MAGI2: variants seen among roughly 807,000 people sequenced by gnomAD.
The protein encoded by MAGI2 is membrane-associated guanylate kinase, WW and PDZ domain-containing protein 2.
In MAGI2, 35 loss-of-function variants were observed where a neutral mutation model predicts 133.3. The ratio of observed to expected loss-of-function variants is 0.26; its 90% CI spans 0.20 to 0.35. The LOEUF (loss-of-function observed/expected upper bound fraction) is 0.35. Among genes scored for constraint, MAGI2 ranks in the 10% least tolerant of loss-of-function variants. The pLI is 1.00. For synonymous variants in MAGI2, 729 were observed against 710.6 expected (o/e 1.03, Z -0.41); for missense variants, 1,636 against 1,863.4 (o/e 0.88, Z 2.25).
At chr7:78,208,901 G>A (rs1787408851) in intron 10 of MAGI2, among the ~76,000 whole-genome samples, 1 of 151,822 alleles carries the variant, frequency 6.6e-6, no homozygotes, top group South Asian at 2.1e-4. Context: ...CTTATTTTGG[G>A]AAATTTCACC....
At chr7:78,263,981 C>A (rs1049118609) in intron 9 of MAGI2, among the ~76,000 whole-genome samples, 2 of 152,076 alleles carry the variant, frequency 1.3e-5, no homozygotes, top group Non-Finnish European at 2.9e-5. Flanking sequence ...ACAAGCTGCT[C>A]GTTACCCTTT....
intron 1 of MAGI2, among the ~76,000 whole-genome samples, chr7:79,234,360 A>T (rs1057145641): frequency 6.6e-5 from 10 of 151,724 alleles, no homozygotes; most frequent in African/African-American, 2.4e-4. Flanking sequence ...AGATTGGGGA[A>T]GTTCTCCTGG....
At chr7:78,275,352 G>A (rs748733218) in intron 9 of MAGI2, among the ~76,000 whole-genome samples, 10 of 152,310 alleles carry the variant, frequency 6.6e-5, no homozygotes, top group South Asian at 2.1e-4. Context: ...CCTCGATCTC[G>A]CTGGGAGCTG....
chr7:79,234,398 T>A (rs1367850675), intron 1 of MAGI2, among the ~76,000 whole-genome samples: 1 of 152,038 alleles, frequency 6.6e-6, no homozygotes, highest in African/African-American at 2.4e-5. Flanking sequence ...GTTTTCCAAC[T>A]TGGTTCCATT....
chr7:79,308,545 CA>C (rs1838004317), intron 1 of MAGI2, among the ~76,000 whole-genome samples: 1 of 152,116 alleles, frequency 6.6e-6, no homozygotes, highest in Non-Finnish European at 1.5e-5. Flanking sequence ...CTTCAACTGG[CA>C]GAAAGGTATT....
At chr7:78,281,687 A>G (rs1406360983) in intron 9 of MAGI2, among the ~76,000 whole-genome samples, 2 of 140,000 alleles carry the variant, frequency 1.4e-5, no homozygotes, top group African/African-American at 5.1e-5. Context: ...GCATAGTGAT[A>G]TTAATTCATT....
intron 16 of MAGI2, among the ~76,000 whole-genome samples, chr7:78,142,803 G>A (rs1179517580): frequency 6.6e-6 from 1 of 152,150 alleles, no homozygotes; most frequent in Non-Finnish European, 1.5e-5. Context: ...GGTGTGTGGG[G>A]TCTGGGAGCT....
At chr7:78,211,432 G>T (rs1274672630) in intron 10 of MAGI2, among the ~76,000 whole-genome samples, 1 of 152,254 alleles carries the variant, frequency 6.6e-6, no homozygotes, top group African/African-American at 2.4e-5. Context: ...TCTAGTCCCA[G>T]CTCCACCTCT....
intron 1 of MAGI2, among the ~76,000 whole-genome samples, chr7:79,191,413 T>C (rs1187217983): frequency 2.8e-4 from 29 of 104,718 alleles, no homozygotes; most frequent in South Asian, 1.8e-3. Flanking sequence ...TTTTTTTTTT[T>C]TTTTTTTTTT....
chr7:78,731,205 G>A (rs1444082248), intron 2 of MAGI2, among the ~76,000 whole-genome samples: 1 of 152,070 alleles, frequency 6.6e-6, no homozygotes, highest in Non-Finnish European at 1.5e-5. Context: ...TATTTATAGA[G>A]AATGAATAAT....
At chr7:78,287,980 C>A (rs1796318339) in intron 9 of MAGI2, among the ~76,000 whole-genome samples, 2 of 152,094 alleles carry the variant, frequency 1.3e-5, no homozygotes, top group Admixed American at 6.6e-5. Flanking sequence ...AACAAAGGTA[C>A]CCAAGTTATC....
At chr7:78,139,460 C>T (rs1822518295) in intron 16 of MAGI2, among the ~76,000 whole-genome samples, 1 of 152,154 alleles carries the variant, frequency 6.6e-6, no homozygotes, top group African/African-American at 2.4e-5. Context: ...AGCCTATGAC[C>T]TAAGTGCTTT....
intron 1 of MAGI2, among the ~76,000 whole-genome samples, chr7:79,273,898 A>C (rs1835050595): frequency 6.6e-6 from 1 of 152,084 alleles, no homozygotes; most frequent in Non-Finnish European, 1.5e-5. Context: ...GGTACTAATA[A>C]AAAACTGCTT....
intron 2 of MAGI2, among the ~76,000 whole-genome samples, chr7:78,764,294 A>G (rs1179629563): frequency 6.6e-6 from 1 of 151,598 alleles, no homozygotes; most frequent in African/African-American, 2.4e-5. Context: ...CTGACAGAAA[A>G]CTTCTTTGAG....
intron 1 of MAGI2, among the ~76,000 whole-genome samples, chr7:79,178,697 G>A (rs976349623): frequency 7.3e-5 from 11 of 151,320 alleles, no homozygotes; most frequent in Admixed American, 2.6e-4. Flanking sequence ...GGGCAACAGA[G>A]TGAGACTCCA....
chr7:78,532,484 TAG>T (rs1028810236), intron 3 of MAGI2, among the ~76,000 whole-genome samples: 136 of 152,324 alleles, frequency 8.9e-4, no homozygotes, highest in African/African-American at 3.1e-3. Context: ...GTTGGTGAAT[TAG>T]AGAGTCCCTA....
At chr7:78,587,647 C>T (rs935513236) in intron 3 of MAGI2, among the ~76,000 whole-genome samples, 4 of 152,158 alleles carry the variant, frequency 2.6e-5, no homozygotes, top group Admixed American at 1.3e-4. Flanking sequence ...AGATGACGCT[C>T]GTGCCATTTG....
intron 1 of MAGI2, among the ~76,000 whole-genome samples, chr7:79,285,027 GAGA>G (rs1281353688): frequency 6.6e-6 from 1 of 151,906 alleles, no homozygotes; most frequent in Non-Finnish European, 1.5e-5. Flanking sequence ...AGAAAAGATG[GAGA>G]AGAAGTTATA....
At chr7:78,452,896 G>A (rs1285935793) in intron 6 of MAGI2, among the ~76,000 whole-genome samples, 3 of 151,854 alleles carry the variant, frequency 2.0e-5, no homozygotes, top group Non-Finnish European at 4.4e-5. Context: ...TAGAAAATAA[G>A]ATCATTTTAG....
Sources: gnomAD v4.1 joint callset for allele counts (sites outside exome capture counted in the v4.1 genomes callset) on GRCh38, gnomAD v4.1.1 for gene constraint, MANE v1.5 for transcripts, NCBI Gene and HGNC (gene_info 2026-07-23, HGNC 2026-07-21) for gene names.